The following TAFA4 variants were observed in gnomAD, a reference collection of about 807,000 sequenced individuals.
The protein encoded by TAFA4 is chemokine-like protein TAFA-4.
A neutral mutation model predicts 21.1 loss-of-function variants in TAFA4; 20 were observed. The observed-to-expected ratio is 0.95, with a 90% CI of 0.67 to 1.38. TAFA4 has a LOEUF of 1.38. TAFA4 is among the 40% of genes most tolerant of loss of function. The probability of loss-of-function intolerance (pLI) is 0.00; values close to 1 mark genes in which losing one functional copy is unlikely to be tolerated. For synonymous variants in TAFA4, 71 were observed against 67.4 expected, an observed-to-expected ratio of 1.05 and a Z score of -0.26; for missense variants, 211 against 180.9, an observed-to-expected ratio of 1.17 and a Z score of -0.95.
In TAFA4 at chr3:68,931,066, C is replaced by T. The variant is rs114199602; in HGVS notation, c.-123+1174G>A. On this transcript the variant is annotated intron_variant, in intron 1 of 5. Coordinates refer to ENST00000295569, the MANE Select transcript of TAFA4 (RefSeq NM_182522.5). The stretch of plus-strand genomic sequence containing the variant: ...ATCAGTGTGCACAAGTTTGGGTGAC[C>T]GAGTCTGCAGGTGGCAGCTACGAGT... 2.4e-3 allele frequency among the ~76,000 whole-genome samples: 364 copies of T among 152,180 alleles called. 3 individuals carry two copies. Among genetic ancestry groups the T allele is most frequent in the African/African-American group, 8.1e-3 (337 of 41,514 alleles).
chr3:68,930,814 C>T (rs942838934), intron 1 of TAFA4, among the ~76,000 whole-genome samples: 1 of 152,146 alleles, frequency 6.6e-6, no homozygotes. Flanking sequence ...ACTATAAAAC[C>T]CACGCGAGCT....
At chr3:68,908,413 C>T (rs897982869) in intron 1 of TAFA4, among the ~76,000 whole-genome samples, 4 of 152,046 alleles carry the variant, frequency 2.6e-5, no homozygotes, top group African/African-American at 9.7e-5. Flanking sequence ...GTCCTATTCA[C>T]GTTCTTATCA....
At chr3:68,883,889 T>C (rs1459705917) in intron 2 of TAFA4, among the ~76,000 whole-genome samples, 3 of 151,890 alleles carry the variant, frequency 2.0e-5, no homozygotes, top group African/African-American at 4.8e-5. Flanking sequence ...GCTATGATTA[T>C]ACCACCACAC....
Position 68,922,561 on chromosome 3 carries a change from T to C in TAFA4, c.-123+9679A>G, listed in dbSNP as rs905475853. ...GGATCATGAAACTTACATATGGATATAGTCAATTGCTTGTAAGTTCATGTC... is the reference window on the plus strand; with the variant it reads ...GGATCATGAAACTTACATATGGATACAGTCAATTGCTTGTAAGTTCATGTC... On this transcript the variant is annotated intron_variant, in intron 1 of 5. Transcript: ENST00000295569. Among the ~76,000 whole-genome samples, 8 of 152,236 alleles carry C rather than the reference T, an allele frequency of 5.3e-5. 1 individual carries two copies. In the South Asian group the frequency reaches 8.3e-4, roughly 16 times the overall value.
intron 3 of TAFA4, among the ~76,000 whole-genome samples, chr3:68,766,572 C>A (rs1702859180): frequency 6.7e-6 from 1 of 150,156 alleles, no homozygotes. Flanking sequence ...TCAGAAAATT[C>A]CAAAAGCAAA....
At chr3:68,839,610 A>T (rs1704609465) in intron 3 of TAFA4, among the ~76,000 whole-genome samples, 1 of 152,194 alleles carries the variant, frequency 6.6e-6, no homozygotes, top group Non-Finnish European at 1.5e-5. Context: ...CACACTGAGA[A>T]ACGTAAACCT....
chr3:68,809,002 T>C (rs529207701), intron 3 of TAFA4, among the ~76,000 whole-genome samples: 61 of 152,306 alleles, frequency 4.0e-4, no homozygotes, highest in African/African-American at 1.4e-3. Context: ...TCACTTCCAC[T>C]CAGATTTCAT....
At chr3:68,814,189 GA>G (rs1266264051) in intron 3 of TAFA4, among the ~76,000 whole-genome samples, 2 of 151,294 alleles carry the variant, frequency 1.3e-5, no homozygotes, top group East Asian at 3.9e-4. Context: ...AGCTATCTAT[GA>G]CAAACCCACA....
intron 3 of TAFA4, among the ~76,000 whole-genome samples, chr3:68,832,158 C>G (rs1704412876): frequency 6.6e-6 from 1 of 151,848 alleles, no homozygotes; most frequent in African/African-American, 2.4e-5. Flanking sequence ...TGTTATTACC[C>G]ACCTTCTGAA....
intron 4 of TAFA4, among the ~76,000 whole-genome samples, chr3:68,744,755 G>T (rs1386804713): frequency 5.3e-5 from 8 of 152,204 alleles, no homozygotes; most frequent in Non-Finnish European, 2.9e-5. Flanking sequence ...AGTGTTTAGG[G>T]ATTTAAATTA....
At chr3:68,893,298 T>C (rs1373043858) in intron 1 of TAFA4, among the ~76,000 whole-genome samples, 24 of 152,214 alleles carry the variant, frequency 1.6e-4, no homozygotes, top group Admixed American at 1.5e-3. Context: ...CATTAAATAA[T>C]AGGTCTTCTA....
intron 3 of TAFA4, among the ~76,000 whole-genome samples, chr3:68,854,245 T>C (rs1224628555): frequency 6.6e-6 from 1 of 151,916 alleles, no homozygotes; most frequent in Non-Finnish European, 1.5e-5. Flanking sequence ...ACGAGAATGT[T>C]CTCTGACAGC....
At chr3:68,881,773 A>G (rs1375470885) in intron 2 of TAFA4, among the ~76,000 whole-genome samples, 1 of 152,188 alleles carries the variant, frequency 6.6e-6, no homozygotes, top group Non-Finnish European at 1.5e-5. Flanking sequence ...CAATAAAAAC[A>G]TGGTACCTGA....
At chr3:68,808,149 GGTTAA>G (rs1039809617) in intron 3 of TAFA4, among the ~76,000 whole-genome samples, 8 of 152,048 alleles carry the variant, frequency 5.3e-5, no homozygotes, top group African/African-American at 1.9e-4. Flanking sequence ...AAAAGAAAGG[GGTTAA>G]GTTACTAGTC....
intron 1 of TAFA4, among the ~76,000 whole-genome samples, chr3:68,900,909 T>TC (rs1444641602): frequency 1.3e-5 from 2 of 152,158 alleles, no homozygotes; most frequent in African/African-American, 4.8e-5. Context: ...CTAAGGAACA[T>TC]CCCCAGCCCC....
intron 1 of TAFA4, among the ~76,000 whole-genome samples, chr3:68,912,843 T>C (rs1368070632): frequency 6.6e-6 from 1 of 152,176 alleles, no homozygotes; most frequent in Non-Finnish European, 1.5e-5. Flanking sequence ...AAACTGAGTT[T>C]TCTAGTATTT....
chr3:68,851,349 T>C (rs1175928668), intron 3 of TAFA4, among the ~76,000 whole-genome samples: 1 of 152,026 alleles, frequency 6.6e-6, no homozygotes, highest in Non-Finnish European at 1.5e-5. Context: ...GGGGGTGCAG[T>C]GTAGGGAGGG....
intron 3 of TAFA4, among the ~76,000 whole-genome samples, chr3:68,796,164 A>C (rs979223248): frequency 6.6e-6 from 1 of 152,220 alleles, no homozygotes; most frequent in Non-Finnish European, 1.5e-5. Flanking sequence ...AACTCAGGGC[A>C]AGTTCTATAG....
Position 68,773,950 on chromosome 3 carries a change from C to G in TAFA4, c.131-20932G>C, listed in dbSNP as rs1405347233. On this transcript the variant is annotated intron_variant, in intron 3 of 5. Transcript: ENST00000295569. Reference sequence around the variant, plus strand: ...CCTAAGATCAGAACCGTATTGTCAACATGTTTGTCCAAAGAGTAGTTTTCA... The same window carrying G: ...CCTAAGATCAGAACCGTATTGTCAAGATGTTTGTCCAAAGAGTAGTTTTCA... Among the ~76,000 whole-genome samples the G allele has an allele frequency of 2.0e-5, 3 of 152,324 alleles. No homozygotes were observed. The East Asian group carries it at 5.8e-4, about 29-fold the overall frequency.
Sources: gnomAD v4.1 joint callset for allele counts (sites outside exome capture counted in the v4.1 genomes callset) on GRCh38, gnomAD v4.1.1 for gene constraint, MANE v1.5 for transcripts, NCBI Gene and HGNC (gene_info 2026-07-23, HGNC 2026-07-21) for gene names.